Variants in CFAP61 observed in about 807,000 individuals in gnomAD.
CFAP61 encodes cilia- and flagella-associated protein 61.
A neutral mutation model predicts 135.6 loss-of-function variants in CFAP61; 107 were observed. The observed-to-expected ratio is 0.79, with a 90% CI of 0.67 to 0.93. The LOEUF (loss-of-function observed/expected upper bound fraction) is 0.93, where lower values mean the gene tolerates loss of function less well. Among genes scored for constraint, CFAP61 ranks in the 40% least tolerant of loss-of-function variants. The pLI is 0.00. For synonymous variants in CFAP61, 575 were observed against 578.5 expected (o/e 0.99, Z 0.09); for missense variants, 1,507 against 1,556.2 (o/e 0.97, Z 0.53).
At chr20:20,061,579 G>T (rs1275977157) in intron 2 of CFAP61, among the ~76,000 whole-genome samples, 2 of 152,168 alleles carry the variant, frequency 1.3e-5, no homozygotes, top group Admixed American at 6.5e-5. Context: ...GATAAAGAGG[G>T]TCACTATATA....
At chr20:20,317,928 A>G (rs2122227341) in intron 25 of CFAP61, among the ~76,000 whole-genome samples, 1 of 152,326 alleles carries the variant, frequency 6.6e-6, no homozygotes, top group East Asian at 1.9e-4. Flanking sequence ...AGCCACTAGC[A>G]GCCCCAGCTG....
intron 26 of CFAP61, among the ~76,000 whole-genome samples, chr20:20,353,677 A>C (rs2058934521): frequency 6.6e-6 from 1 of 152,212 alleles, no homozygotes; most frequent in African/African-American, 2.4e-5. Flanking sequence ...TCTCGCTTAA[A>C]GTTACAGTTT....
intron 8 of CFAP61, among the ~76,000 whole-genome samples, chr20:20,115,700 T>C (rs1293444374): frequency 6.6e-6 from 1 of 152,236 alleles, no homozygotes; most frequent in Non-Finnish European, 1.5e-5. Flanking sequence ...TTTGTCTTTC[T>C]ATGCTTAGCT....
intron 26 of CFAP61, 33 bp downstream of exon 26, chr20:20,341,954 C>A (rs756872281): frequency 6.9e-7 from 1 of 1,444,192 alleles, no homozygotes; most frequent in Non-Finnish European, 9.7e-7. Context: ...TGGATTATTC[C>A]TTGCAAATTA....
At chr20:20,246,009 C>G in intron 18 of CFAP61, 108 bp from the exon 19 acceptor site, 1 of 692,476 alleles carries the variant, frequency 1.4e-6, no homozygotes, top group South Asian at 1.8e-5. Context: ...GCTCCAAAAG[C>G]AATTCAACAG....
intron 17 of CFAP61, among the ~76,000 whole-genome samples, chr20:20,213,942 A>T (rs1008865003): frequency 6.8e-6 from 1 of 147,566 alleles, no homozygotes; most frequent in Non-Finnish European, 1.5e-5. Flanking sequence ...GCCCCCTCAT[A>T]TGAAGGCAGA....
intron 24 of CFAP61, among the ~76,000 whole-genome samples, chr20:20,296,338 T>TCCTTCCTTCCCTCCTTCCCTCCTTC (rs1569260814): frequency 9.9e-6 from 1 of 100,942 alleles, no homozygotes; most frequent in African/African-American, 4.0e-5. Context: ...CTTCCTTCCT[T>TCCTTCCTTCCCTCCTTCCCTCCTTC]CCTTGCTTCC....
intron 23 of CFAP61, 108 bp downstream of exon 23, chr20:20,289,044 G>C: frequency 1.4e-6 from 1 of 730,400 alleles, no homozygotes; most frequent in Admixed American, 2.8e-5. Flanking sequence ...AGGCTCCTCC[G>C]TACCTCAATG....
chr20:20,201,692 T>C (rs953005626), intron 17 of CFAP61, among the ~76,000 whole-genome samples: 5 of 152,196 alleles, frequency 3.3e-5, no homozygotes, highest in African/African-American at 1.2e-4. Context: ...AGAGGCAAAC[T>C]GATCTCTGGA....
intron 25 of CFAP61, among the ~76,000 whole-genome samples, chr20:20,320,343 ATG>A (rs1204848155): frequency 2.5e-5 from 2 of 80,350 alleles, no homozygotes; most frequent in Non-Finnish European, 2.4e-5. Flanking sequence ...TATTATATAT[ATG>A]TAATATATAT....
chr20:20,248,785 A>G (rs1425671072), intron 19 of CFAP61, among the ~76,000 whole-genome samples: 1 of 152,138 alleles, frequency 6.6e-6, no homozygotes, highest in East Asian at 1.9e-4. Context: ...GCACACCTGG[A>G]GCTTTGGACT....
intron 17 of CFAP61, among the ~76,000 whole-genome samples, chr20:20,204,477 C>T (rs1007906076): frequency 3.3e-5 from 5 of 152,190 alleles, no homozygotes; most frequent in African/African-American, 1.2e-4. Flanking sequence ...TGCCCCTTTT[C>T]ATCTGGCTGT....
At chr20:20,128,667 A>T (rs1178396283) in intron 8 of CFAP61, among the ~76,000 whole-genome samples, 1 of 151,746 alleles carries the variant, frequency 6.6e-6, no homozygotes, top group African/African-American at 2.4e-5. Context: ...ACGCTGCTTT[A>T]TCCATCCGAG....
At chr20:20,091,933 T>C (rs1035175776) in intron 7 of CFAP61, among the ~76,000 whole-genome samples, 2 of 152,164 alleles carry the variant, frequency 1.3e-5, no homozygotes, top group Non-Finnish European at 2.9e-5. Context: ...CCGCCCGCCT[T>C]GGCCTCCCAA....
At chr20:20,334,421 G>A (rs763916507) in intron 25 of CFAP61, among the ~76,000 whole-genome samples, 1 of 152,192 alleles carries the variant, frequency 6.6e-6, no homozygotes, top group South Asian at 2.1e-4. Context: ...GCCGCTGTGT[G>A]TGGCCATAGT....
intron 2 of CFAP61, among the ~76,000 whole-genome samples, chr20:20,057,120 T>TAAAAA (rs752860141): frequency 1.3e-4 from 13 of 102,106 alleles, no homozygotes; most frequent in East Asian, 2.7e-4. Flanking sequence ...CTGTCTCAAT[T>TAAAAA]AAAAAAAAAA....
intron 24 of CFAP61, among the ~76,000 whole-genome samples, chr20:20,294,695 G>A (rs1030177580): frequency 1.3e-5 from 2 of 152,058 alleles, no homozygotes; most frequent in Admixed American, 1.3e-4. Context: ...TTGGGAGGCC[G>A]AGGCGGGTGG....
intron 25 of CFAP61, among the ~76,000 whole-genome samples, chr20:20,337,072 T>C (rs1426479382): frequency 6.6e-6 from 1 of 152,180 alleles, no homozygotes; most frequent in African/African-American, 2.4e-5. Context: ...TGAAGACACC[T>C]GGGACAGAGA....
chr20:20,069,567 C>T (rs989171640), intron 2 of CFAP61, among the ~76,000 whole-genome samples: 9 of 152,184 alleles, frequency 5.9e-5, no homozygotes, highest in East Asian at 1.9e-4. Context: ...TGTGAGCCAC[C>T]GTTCCCGGCC....
Sources: gnomAD v4.1 joint callset for allele counts (sites outside exome capture counted in the v4.1 genomes callset) on GRCh38, gnomAD v4.1.1 for gene constraint, MANE v1.5 for transcripts, NCBI Gene and HGNC (gene_info 2026-07-23, HGNC 2026-07-21) for gene names.